The following GRIP2 variants were observed in gnomAD, a reference collection of about 807,000 sequenced individuals.
GRIP2 encodes glutamate receptor-interacting protein 2.
A neutral mutation model predicts 108.3 loss-of-function variants in GRIP2; 58 were observed. The ratio of observed to expected loss-of-function variants is 0.54; its 90% CI spans 0.43 to 0.67. The LOEUF (loss-of-function observed/expected upper bound fraction) is 0.67. GRIP2 is among the 30% of genes least tolerant of loss of function. GRIP2 has a pLI of 0.00. For missense variants in GRIP2, 1,278 were observed against 1,430.6 expected (o/e 0.89, Z 1.72); for synonymous variants, 586 against 598.2 (o/e 0.98, Z 0.30).
At chr3:14,573,803 G>T in the GRIP2 span, 1 of 1,544,652 alleles carries the variant, frequency 6.5e-7, no homozygotes, top group South Asian at 1.1e-5. Flanking sequence ...TCTTGTGGCC[G>T]GCAAGCTCTG....
At position 14,535,282 on chromosome 3, in the gene GRIP2, A is replaced by G. The variant is rs143309259; in HGVS notation, c.40+4987T>C. Among the ~76,000 whole-genome samples the G allele has an allele frequency of 1.8e-3, 273 of 152,226 alleles. 1 individual carries two copies. The highest frequency in any genetic ancestry group is 6.2e-3 in the African/African-American group (256 of 41,534). On this transcript the variant is annotated intron_variant, in intron 1 of 23. Coordinates refer to ENST00000621039, the MANE Select transcript of GRIP2 (RefSeq NM_001080423.4). ...GTCCAACTTGGGACTTTGATTCTAA[A>G]TCGGCTGCCAACTGGCTAAGGGATC...
At position 14,490,775 on chromosome 3, in the gene GRIP2, C is replaced by T. The variant is rs892045308; in HGVS notation, c.*2890G>A. On this transcript the variant is annotated 3_prime_UTR_variant, in exon 24 of 24. Coordinates refer to ENST00000621039, the MANE Select transcript of GRIP2 (RefSeq NM_001080423.4). ...CACTAGCTGTGCCCGCTGCCTGAGACACTCTTCCTCCAGGTCTCCATGGAG... is the reference window on the plus strand; with the variant it reads ...CACTAGCTGTGCCCGCTGCCTGAGATACTCTTCCTCCAGGTCTCCATGGAG... 1.3e-5 allele frequency: 2 copies of T among 152,256 alleles called. No individual in the cohort carries two copies. Among genetic ancestry groups the T allele is most frequent in the Admixed American group, 6.5e-5 (1 of 15,294 alleles). The allele number at this position is 152,256 out of a possible 1,614,324, so 9.4% of individuals were successfully genotyped here. A position where few individuals can be genotyped will look rare whatever the true frequency, so the allele number is the denominator to read the frequency against.
At chr3:14,525,634 C>T in intron 2 of GRIP2, 62 bp from the exon 3 acceptor site, 3 of 1,594,606 alleles carry the variant, frequency 1.9e-6, no homozygotes, top group Non-Finnish European at 2.6e-6. Context: ...GCCCCCAGCT[C>T]TAAGATAAGC....
At chr3:14,552,937 C>T (rs967477021) in intron 1 of GRIP2, among the ~76,000 whole-genome samples, 2 of 152,096 alleles carry the variant, frequency 1.3e-5, no homozygotes, top group Non-Finnish European at 2.9e-5. Context: ...TCCACTCTCT[C>T]CTGCTCAAGG....
chr3:14,574,407 T>G, the GRIP2 span: 1 of 766,302 alleles, frequency 1.3e-6, no homozygotes, highest in Non-Finnish European at 2.3e-6. Context: ...GAGCCGCACC[T>G]TGGGCTGCGA....
chr3:14,572,021 C>T, the GRIP2 span, among the ~76,000 whole-genome samples: 65 of 152,234 alleles, frequency 4.3e-4, no homozygotes, highest in African/African-American at 1.4e-3. Context: ...TTTCAAGATA[C>T]GTATATTCTA....
chr3:14,503,651 C>G lies in GRIP2; in HGVS notation c.2594G>C (p.Arg865Pro), dbSNP rs1435971245. 7.3e-7 allele frequency: 1 copy of G among 1,360,718 alleles called. No individual in the cohort carries two copies. Among genetic ancestry groups the G allele is most frequent in the Non-Finnish European group, 9.7e-7 (1 of 1,025,880 alleles). 84.3% of individuals were successfully genotyped at this position (1,360,718 alleles called of 1,614,324 possible). A position where few individuals can be genotyped will look rare whatever the true frequency, so the allele number is the denominator to read the frequency against. Residue 865 changes from arginine to proline, a missense_variant, in exon 21 of 24, where the codon CGA becomes CCA. Coordinates refer to ENST00000621039, the MANE Select transcript of GRIP2 (RefSeq NM_001080423.4). Reference sequence around the variant, plus strand: ...AAACATGCGCCAGAAGCCCTCCTCTCGGGCAGGGCCAGGGGCTGGGCTGTA... The same window carrying G: ...AAACATGCGCCAGAAGCCCTCCTCTGGGGCAGGGCCAGGGGCTGGGCTGTA... ...PPTSPAPGPAREEGFWRMFGE... is the reference protein window; with the variant it reads ...PPTSPAPGPAPEEGFWRMFGE...
At chr3:14,551,174 G>T (rs552076683) in intron 1 of GRIP2, among the ~76,000 whole-genome samples, 2 of 152,238 alleles carry the variant, frequency 1.3e-5, no homozygotes, top group South Asian at 4.1e-4. Flanking sequence ...GGTGCTTTCC[G>T]CTCCATCTGA....
chr3:14,513,582 C>T (rs1694159992), intron 13 of GRIP2, 83 bp downstream of exon 13: 7 of 1,475,936 alleles, frequency 4.7e-6, no homozygotes, highest in Middle Eastern at 1.7e-4. Flanking sequence ...TGGGGTGGAG[C>T]GTTTGCACAG....
At position 14,520,318 on chromosome 3, in the gene GRIP2, G is replaced by A. The variant is rs375477542; in HGVS notation, c.861-39C>T. On this transcript the variant is annotated intron_variant, in intron 8 of 23. Coordinates refer to ENST00000621039, the MANE Select transcript of GRIP2 (RefSeq NM_001080423.4). ...GGAGTGAAGGCGGAGGCTGGTCCAG[G>A]CCAGACAAAGCTCTGGGCCGCCTCT... 4.8e-4 allele frequency: 769 copies of A among 1,611,274 alleles called. 2 individuals are homozygous for A. Among genetic ancestry groups the A allele is most frequent in the Non-Finnish European group, 5.9e-4 (701 of 1,178,460 alleles).
At chr3:14,526,784 T>C (rs2124932327) in intron 1 of GRIP2, among the ~76,000 whole-genome samples, 1 of 152,316 alleles carries the variant, frequency 6.6e-6, no homozygotes, top group South Asian at 2.1e-4. Flanking sequence ...TCTTTTGAGT[T>C]AGTAGAAAAT....
the GRIP2 span, among the ~76,000 whole-genome samples, chr3:14,600,383 G>A: frequency 1.3e-5 from 2 of 152,166 alleles, no homozygotes; most frequent in African/African-American, 4.8e-5. Flanking sequence ...CAACTTTACA[G>A]GTGAAAGCAA....
chr3:14,520,489 G>A lies in GRIP2; in HGVS notation c.761C>T (p.Thr254Met), dbSNP rs763795271. The change falls in exon 8 of 24, where the codon ACG becomes ATG. Residue 254 changes from threonine to methionine, a missense_variant. Thr to Met is a moderately conservative substitution (Grantham distance 81). Transcript: ENST00000621039. ...CGAGATCCCCAGGGCAGACCCTGGC[G>A]TCTTGACTATTTCCACCATCAAGGG... The part of the protein sequence containing the change: ...SGPLMVEIVK[T>M]PGSALGISLT... 4.0e-5 allele frequency: 64 copies of A among 1,613,846 alleles called. No homozygotes were observed. The highest frequency in any genetic ancestry group is 5.0e-5 in the Non-Finnish European group (59 of 1,179,878).
At chr3:14,517,979 G>C in intron 9 of GRIP2, 82 bp from the exon 10 acceptor site, 1 of 1,425,300 alleles carries the variant, frequency 7.0e-7, no homozygotes, top group Non-Finnish European at 9.3e-7. Flanking sequence ...GCAAGAACCA[G>C]AAGATCCTCG....
intron 23 of GRIP2, among the ~76,000 whole-genome samples, 158 bp downstream of exon 23, chr3:14,494,685 A>C (rs1470661543): frequency 6.6e-6 from 1 of 152,188 alleles, no homozygotes; most frequent in African/African-American, 2.4e-5. Context: ...TCAGCCTCTG[A>C]GGCTGAGGGT....
chr3:14,517,426 TA>T (rs1220110561), intron 10 of GRIP2, among the ~76,000 whole-genome samples: 1 of 149,100 alleles, frequency 6.7e-6, no homozygotes, highest in African/African-American at 2.5e-5. Flanking sequence ...ACTCAGCTAT[TA>T]GGGACGGGGC....
rs1694384901 is a variant in GRIP2 at position 14,520,707 on chromosome 3, T to A, written c.713-170A>T. 1.4e-5 allele frequency: 10 copies of A among 699,676 alleles called. No individual in the cohort carries two copies. The East Asian group carries it at 2.7e-4, about 19-fold the overall frequency. 43.3% of individuals were successfully genotyped at this position (699,676 alleles called of 1,614,324 possible). On this transcript the variant is annotated intron_variant, in intron 7 of 23. Transcript: ENST00000621039. The stretch of plus-strand genomic sequence containing the variant: ...TTCTTTTTTTATCTTCTACCAAATG[T>A]TATATCAATTTGACAGATAAGATAG...
At chr3:14,597,494 A>G in the GRIP2 span, among the ~76,000 whole-genome samples, 5 of 152,222 alleles carry the variant, frequency 3.3e-5, no homozygotes, top group Non-Finnish European at 1.5e-5. Flanking sequence ...GAGGCAGGGC[A>G]GGTGGAAGAG....
At chr3:14,557,336 G>A (rs11128708), upstream of GRIP2, among the ~76,000 whole-genome samples, 45,607 of 152,016 alleles carry the variant, frequency 0.3, 8,162 homozygotes, top group South Asian at 0.41. Context: ...GTCTCCTTTC[G>A]GCTCTTCCAC....
Sources: allele counts gnomAD v4.1 joint callset (sites outside exome capture counted in the v4.1 genomes callset), GRCh38; gene constraint gnomAD v4.1.1; transcripts MANE v1.5; gene names NCBI Gene and HGNC (gene_info 2026-07-23, HGNC 2026-07-21).